The following RIT2 variants were observed in gnomAD, a reference collection of about 807,000 sequenced individuals.
RIT2 encodes the protein Ras like without CAAX 2.
RIT2 carries 24 observed loss-of-function variants against 23.7 expected under a neutral mutation model. The ratio of observed to expected loss-of-function variants is 1.01; its 90% confidence interval spans 0.73 to 1.43. The LOEUF is 1.43. Among genes scored for constraint, RIT2 ranks in the 40% most tolerant of loss-of-function variants. The pLI, the probability that RIT2 is intolerant of heterozygous loss-of-function variation, is 0.00. For missense variants in RIT2, 236 were observed against 266.9 expected (o/e 0.88, Z 0.81); for synonymous variants, 107 against 91.1 (o/e 1.17, Z -0.99).
intron 1 of RIT2, among the ~76,000 whole-genome samples, chr18:43,074,653 C>T (rs1376374199): frequency 6.6e-6 from 1 of 152,102 alleles, no homozygotes; most frequent in Non-Finnish European, 1.5e-5. Context: ...ACCGACATGC[C>T]CATCAGTGAT....
chr18:43,038,072 G>T (rs1912023934), intron 1 of RIT2, among the ~76,000 whole-genome samples: 1 of 151,814 alleles, frequency 6.6e-6, no homozygotes, highest in South Asian at 2.1e-4. Context: ...GGGCATGGTG[G>T]TGGGTGCCTG....
chr18:42,920,748 C>G (rs1384126253), intron 4 of RIT2: 1 of 1,595,592 alleles, frequency 6.3e-7, no homozygotes, highest in Non-Finnish European at 8.5e-7. Context: ...CTTCCAAACT[C>G]TTTCAGTGTA....
At chr18:42,926,754 G>T (rs928084191) in intron 3 of RIT2, among the ~76,000 whole-genome samples, 4 of 151,876 alleles carry the variant, frequency 2.6e-5, no homozygotes, top group African/African-American at 9.7e-5. Context: ...GAATCTCTAG[G>T]TATGAAGTTC....
intron 2 of RIT2, among the ~76,000 whole-genome samples, chr18:42,996,180 GT>G (rs1910979661): frequency 6.6e-6 from 1 of 151,944 alleles, no homozygotes; most frequent in African/African-American, 2.4e-5. Flanking sequence ...AATGACAAAT[GT>G]TTCTTCTAAC....
At chr18:43,054,065 CA>C (rs1004587509) in intron 1 of RIT2, among the ~76,000 whole-genome samples, 7 of 152,100 alleles carry the variant, frequency 4.6e-5, no homozygotes, top group African/African-American at 1.7e-4. Flanking sequence ...TGACCACTTG[CA>C]ATTCCCCACT....
intron 1 of RIT2, among the ~76,000 whole-genome samples, chr18:43,112,083 T>G (rs1913966252): frequency 2.0e-5 from 3 of 152,192 alleles, no homozygotes; most frequent in Admixed American, 6.5e-5. Context: ...TAAATCAAAG[T>G]GATAGCCTAG....
chr18:42,881,534 T>G (rs1448087529), intron 4 of RIT2, among the ~76,000 whole-genome samples: 1 of 152,224 alleles, frequency 6.6e-6, no homozygotes, highest in East Asian at 1.9e-4. Flanking sequence ...TTGGCTTCCT[T>G]GCTTCCTCAC....
intron 4 of RIT2, among the ~76,000 whole-genome samples, chr18:42,891,044 T>C (rs1460973292): frequency 6.6e-6 from 1 of 152,088 alleles, no homozygotes. Context: ...AACAGACATA[T>C]TAAACTAAAA....
chr18:42,949,920 T>C (rs1436433994), intron 3 of RIT2, among the ~76,000 whole-genome samples: 2 of 152,142 alleles, frequency 1.3e-5, no homozygotes, highest in Non-Finnish European at 2.9e-5. Flanking sequence ...AATAAATATC[T>C]GCTACTCATT....
At chr18:42,974,447 C>T (rs1325582132) in intron 2 of RIT2, among the ~76,000 whole-genome samples, 2 of 151,940 alleles carry the variant, frequency 1.3e-5, no homozygotes, top group African/African-American at 4.8e-5. Context: ...CCTAACAATG[C>T]AGGGCAAAAT....
At chr18:43,051,130 T>G (rs2144309460) in intron 1 of RIT2, among the ~76,000 whole-genome samples, 1 of 152,118 alleles carries the variant, frequency 6.6e-6, no homozygotes, top group East Asian at 1.9e-4. Flanking sequence ...TGACGGTATC[T>G]CCAAGTAGAT....
intron 2 of RIT2, among the ~76,000 whole-genome samples, chr18:43,020,344 G>T (rs1431856706): frequency 6.6e-6 from 1 of 151,974 alleles, no homozygotes; most frequent in Non-Finnish European, 1.5e-5. Context: ...AATTAGCTAG[G>T]CATGGTAGCT....
chr18:42,788,115 A>G (rs1447001597), intron 4 of RIT2, among the ~76,000 whole-genome samples: 1 of 152,096 alleles, frequency 6.6e-6, no homozygotes, highest in African/African-American at 2.4e-5. Flanking sequence ...AGTAATTACA[A>G]TTTGCAAACA....
At chr18:42,939,892 A>G (rs1207788779) in intron 3 of RIT2, among the ~76,000 whole-genome samples, 1 of 152,076 alleles carries the variant, frequency 6.6e-6, no homozygotes, top group Non-Finnish European at 1.5e-5. Context: ...AATAATGACT[A>G]GAGCCAGACG....
At chr18:42,812,226 G>A (rs775880519) in intron 4 of RIT2, among the ~76,000 whole-genome samples, 6 of 152,064 alleles carry the variant, frequency 3.9e-5, no homozygotes, top group Non-Finnish European at 5.9e-5. Context: ...CATGTGAGTC[G>A]CATTTTAAAG....
chr18:42,921,283 A>G (rs1368735632), intron 4 of RIT2, among the ~76,000 whole-genome samples: 2 of 152,090 alleles, frequency 1.3e-5, no homozygotes, highest in Non-Finnish European at 2.9e-5. Flanking sequence ...GTACACAAAC[A>G]TTTTTGCAAA....
chr18:42,967,563 T>TA (rs898516184), intron 3 of RIT2, among the ~76,000 whole-genome samples: 3 of 135,166 alleles, frequency 2.2e-5, no homozygotes, highest in African/African-American at 8.4e-5. Flanking sequence ...TTTTTTTTTT[T>TA]TGTATTTTTA....
chr18:42,922,339 A>G (rs577751744), intron 4 of RIT2, among the ~76,000 whole-genome samples: 1 of 152,250 alleles, frequency 6.6e-6, no homozygotes, highest in East Asian at 1.9e-4. Flanking sequence ...TACGTTAGTA[A>G]AAGGTTTTAC....
At chr18:43,070,102 A>C (rs3884531) in intron 1 of RIT2, among the ~76,000 whole-genome samples, 51,142 of 152,000 alleles carry the variant, frequency 0.34, 8,927 homozygotes, top group East Asian at 0.44. Flanking sequence ...ATGTTTATGG[A>C]AATGTTGCGT....
Sources: allele counts gnomAD v4.1 joint callset (sites outside exome capture counted in the v4.1 genomes callset), GRCh38; gene constraint gnomAD v4.1.1; transcripts MANE v1.5; gene names NCBI Gene and HGNC (gene_info 2026-07-23, HGNC 2026-07-21).